SSH2: variants seen among roughly 807,000 people sequenced by gnomAD.
SSH2 encodes the protein slingshot protein phosphatase 2, also known as protein phosphatase Slingshot homolog 2.
A neutral mutation model predicts 135.2 loss-of-function variants in SSH2; 37 were observed. The ratio of observed to expected loss-of-function variants is 0.27; its 90% CI spans 0.21 to 0.36. The LOEUF (loss-of-function observed/expected upper bound fraction) is 0.36. Ranked by LOEUF, SSH2 falls within the 10% of genes least tolerant of loss-of-function variation. SSH2 has a pLI of 1.00. For missense variants in SSH2, 1,408 were observed against 1,765.3 expected (o/e 0.80, Z 3.63); for synonymous variants, 628 against 646.2 (o/e 0.97, Z 0.43).
At chr17:29,761,376 C>T (rs999327989) in intron 3 of SSH2, 4 of 1,067,684 alleles carry the variant, frequency 3.7e-6, no homozygotes, top group Admixed American at 1.2e-4. Context: ...GGCGGGCCCG[C>T]CGGGTCGCGC....
At chr17:29,857,139 T>C (rs917287270) in intron 1 of SSH2, among the ~76,000 whole-genome samples, 2 of 152,142 alleles carry the variant, frequency 1.3e-5, no homozygotes, top group African/African-American at 4.8e-5. Flanking sequence ...TTTACTGTAT[T>C]AGTCTGTTTT....
intron 2 of SSH2, among the ~76,000 whole-genome samples, chr17:29,834,527 C>A (rs904710835): frequency 1.6e-4 from 25 of 151,974 alleles, no homozygotes; most frequent in African/African-American, 6.0e-4. Flanking sequence ...TGTTGAAAGT[C>A]TTTTTCCCAA....
At chr17:29,818,806 A>G (rs983630564) in intron 2 of SSH2, among the ~76,000 whole-genome samples, 4 of 152,138 alleles carry the variant, frequency 2.6e-5, no homozygotes, top group Non-Finnish European at 4.4e-5. Flanking sequence ...ATAAATTAAA[A>G]GAATCAATAA....
chr17:29,798,342 A>G (rs1386600845), intron 2 of SSH2, among the ~76,000 whole-genome samples: 2 of 151,922 alleles, frequency 1.3e-5, no homozygotes, highest in Admixed American at 1.3e-4. Flanking sequence ...TAGTTTTAGT[A>G]AAGGTGGGAT....
Position 29,920,478 on chromosome 17 carries a change from A to T in SSH2, c.63+9460T>A, listed in dbSNP as rs535563794. On this transcript the variant is annotated intron_variant, in intron 1 of 15. Coordinates refer to ENST00000540801, the MANE Select transcript of SSH2 (RefSeq NM_001282129.2). ...TATATGCTAAACTAACTAAATTCCTATGAGACTTGCAATGGAACTTCTATG... is the reference window on the plus strand; with the variant it reads ...TATATGCTAAACTAACTAAATTCCTTTGAGACTTGCAATGGAACTTCTATG... Among the ~76,000 whole-genome samples, 7 of 152,336 alleles carry T rather than the reference A, an allele frequency of 4.6e-5. No individual in the cohort carries two copies. The East Asian group carries it at 1.3e-3, about 29-fold the overall frequency.
chr17:29,695,635 C>A, intron 4 of SSH2, 112 bp from the exon 5 acceptor site: 1 of 806,750 alleles, frequency 1.2e-6, no homozygotes, highest in Non-Finnish European at 2.0e-6. Context: ...CATTAAAGGA[C>A]TCTAATTAGA....
At position 29,709,015 on chromosome 17, in the gene SSH2, T is replaced by TAGAGAGAGAGAGAGAGAG. The variant is rs58190730; in HGVS notation, c.189-5971_189-5954dup. On this transcript the variant is annotated intron_variant, in intron 3 of 15. Transcript: ENST00000540801. Reference sequence around the variant, plus strand: ...AGAAATATATATATATATATATATATAGAGAGAGAGAGAGAGAGAGAGAGA... The same window carrying TAGAGAGAGAGAGAGAGAG: ...AGAAATATATATATATATATATATATAGAGAGAGAGAGAGAGAGAGAGAGAGAGAGAGAGAGAGAGAGA... Among the ~76,000 whole-genome samples, 18 of 81,590 alleles carry TAGAGAGAGAGAGAGAGAG rather than the reference T, an allele frequency of 2.2e-4. 1 individual carries two copies. The highest frequency in any genetic ancestry group is 0.018 in the Middle Eastern group (2 of 110). 53.5% of individuals were successfully genotyped at this position (81,590 alleles called of 152,430 possible). A position where few individuals can be genotyped will look rare whatever the true frequency, so the allele number is the denominator to read the frequency against.
intron 3 of SSH2, among the ~76,000 whole-genome samples, chr17:29,764,363 T>C (rs1036979207): frequency 5.9e-5 from 9 of 152,258 alleles, no homozygotes; most frequent in Non-Finnish European, 1.0e-4. Flanking sequence ...AAATTCCTTT[T>C]CTTTGCACAG....
intron 3 of SSH2, among the ~76,000 whole-genome samples, chr17:29,750,258 C>T (rs570697469): frequency 2.7e-5 from 4 of 150,548 alleles, no homozygotes; most frequent in East Asian, 2.0e-4. Context: ...GCCAACATGG[C>T]GAAACCCCAT....
rs762543945 is a variant in SSH2 at position 29,630,888 on chromosome 17, C to T, written c.4306G>A (p.Ala1436Thr). Reference protein sequence around the residue: ...RTHPLRRLKKANDKKRTTNPF... With the variant: ...RTHPLRRLKKTNDKKRTTNPF... ...TTGGTTGTCCGTTTTTTGTCATTTG[C>T]CTTTTTCAGTCTCCTAAGGGGGTGA... Residue 1436 changes from alanine to threonine, a missense_variant, in exon 16 of 16, where the codon GCA becomes ACA. Transcript: ENST00000540801. The T allele has an allele frequency of 5.7e-6, 9 of 1,575,016 alleles. No individual in the cohort carries two copies. The Admixed American group carries it at 9.1e-5, about 16-fold the overall frequency.
At position 29,681,331 on chromosome 17, in the gene SSH2, CAAAAAAAAAAAA is replaced by C. The variant is rs764461213; in HGVS notation, c.479+3220_479+3231del. Among the ~76,000 whole-genome samples the C allele has an allele frequency of 0.01, 149 of 14,352 alleles. 3 individuals are homozygous for C. The South Asian group carries it at 0.25, about 24-fold the overall frequency. The allele number at this position is 14,352 out of a possible 152,430, so 9.4% of individuals were successfully genotyped here. ...GCCTGGCCACAGAGTGAGACTGTCT[CAAAAAAAAAAAA>C]AAAAAAAAAAAAAAAAAAAGTAGCT... is the stretch of plus-strand genomic sequence containing the variant. On this transcript the variant is annotated intron_variant, in intron 6 of 15. Transcript: ENST00000540801.
intron 1 of SSH2, among the ~76,000 whole-genome samples, chr17:29,865,030 G>A (rs930409527): frequency 2.0e-5 from 3 of 152,108 alleles, no homozygotes; most frequent in Non-Finnish European, 4.4e-5. Context: ...CTAGAATGGT[G>A]GAATCATATC....
At chr17:29,810,879 T>C (rs1405123400) in intron 2 of SSH2, among the ~76,000 whole-genome samples, 1 of 152,056 alleles carries the variant, frequency 6.6e-6, no homozygotes, top group African/African-American at 2.4e-5. Context: ...TGGCTTTGAA[T>C]GTGGCCCAAC....
At chr17:29,782,071 C>A (rs1295405957) in intron 3 of SSH2, among the ~76,000 whole-genome samples, 1 of 152,014 alleles carries the variant, frequency 6.6e-6, no homozygotes. Context: ...GTCTTGAACT[C>A]CTGACCTCAG....
At chr17:29,860,956 G>A (rs941140475) in intron 1 of SSH2, among the ~76,000 whole-genome samples, 8 of 151,962 alleles carry the variant, frequency 5.3e-5, no homozygotes, top group Non-Finnish European at 1.2e-4. Context: ...TGTTGGCCAG[G>A]CCACTCTTGA....
intron 3 of SSH2, among the ~76,000 whole-genome samples, chr17:29,779,568 G>A (rs1232693813): frequency 6.6e-6 from 1 of 152,014 alleles, no homozygotes; most frequent in Admixed American, 6.6e-5. Flanking sequence ...GGCTGGGCAT[G>A]GTAGTTTACG....
chr17:29,691,728 G>A (rs1473092016), intron 5 of SSH2, among the ~76,000 whole-genome samples: 1 of 151,700 alleles, frequency 6.6e-6, no homozygotes, highest in African/African-American at 2.4e-5. Context: ...CTGAACTCGT[G>A]ATCCACCCGC....
chr17:29,812,111 AG>A (rs1417478291), intron 2 of SSH2, among the ~76,000 whole-genome samples: 1 of 151,712 alleles, frequency 6.6e-6, no homozygotes, highest in Non-Finnish European at 1.5e-5. Flanking sequence ...CTTTTGAAAC[AG>A]GGACTGTGTC....
rs1436563651 is a variant in SSH2 at position 29,629,001 on chromosome 17, T to C, written c.*1840A>G. 1 of 152,388 alleles carries C rather than the reference T, an allele frequency of 6.6e-6. No individual in the cohort carries two copies. The highest frequency in any genetic ancestry group is 2.4e-5 in the African/African-American group (1 of 41,448). 9.4% of individuals were successfully genotyped at this position (152,388 alleles called of 1,614,324 possible). ...GTCTGTGCATTTGTATTTTCCTCAGTGCTGTGATAAGCCAAAAACCTGTCT... is the reference window on the plus strand; with the variant it reads ...GTCTGTGCATTTGTATTTTCCTCAGCGCTGTGATAAGCCAAAAACCTGTCT... On this transcript the variant is annotated 3_prime_UTR_variant, in exon 16 of 16. Coordinates refer to ENST00000540801, the MANE Select transcript of SSH2 (RefSeq NM_001282129.2).
Sources: gnomAD v4.1 joint callset for allele counts (sites outside exome capture counted in the v4.1 genomes callset) on GRCh38, gnomAD v4.1.1 for gene constraint, MANE v1.5 for transcripts, NCBI Gene and HGNC (gene_info 2026-07-23, HGNC 2026-07-21) for gene names.